SAMD9L: variants seen among roughly 807,000 people sequenced by gnomAD.
SAMD9L encodes the protein sterile alpha motif domain-containing protein 9-like.
A neutral mutation model predicts 90.7 loss-of-function variants in SAMD9L; 68 were observed. That is an observed-to-expected ratio of 0.75 (90% CI 0.62 to 0.92). The LOEUF (loss-of-function observed/expected upper bound fraction) is 0.92. Ranked by LOEUF, SAMD9L falls within the 40% of genes least tolerant of loss-of-function variation. SAMD9L has a pLI of 0.00. For missense variants in SAMD9L, 1,604 were observed against 1,824.3 expected (o/e 0.88, Z 2.20); for synonymous variants, 640 against 630.1 (o/e 1.02, Z -0.23).
rs771288282 is a variant in SAMD9L at position 93,132,864 on chromosome 7, T to G, written c.3108A>C (p.Gln1036His). 6.2e-7 allele frequency: 1 copy of G among 1,613,800 alleles called. No individual in the cohort carries two copies. ...IGRDKFQHDV[Q>H]TLLLTRQRKV... ...TGCGCTGTCTTGTAAGCAGAAGAGT[T>G]TGAACATCATGTTGAAATTTGTCTC... The change falls in exon 5 of 5, where the codon CAA (glutamine) becomes CAC (histidine). Residue 1036 changes from glutamine (Q) to histidine (H), a missense_variant. By Grantham distance (24) the Gln-to-His change is conservative. Transcript: ENST00000318238.
rs71830352 is a variant in SAMD9L at position 93,130,660 on chromosome 7, A to AGTGT, written c.*553_*556dup. 0.054 allele frequency: 7,298 copies of AGTGT among 136,318 alleles called. 139 individuals carry two copies. Among genetic ancestry groups the AGTGT allele is most frequent in the Non-Finnish European group, 0.071 (4,460 of 62,424 alleles). The allele number at this position is 136,318 out of a possible 1,614,324, so 8.4% of individuals were successfully genotyped here. A position where few individuals can be genotyped will look rare whatever the true frequency, so the allele number is the denominator to read the frequency against. On this transcript the variant is annotated 3_prime_UTR_variant, in exon 5 of 5. Coordinates refer to ENST00000318238, the MANE Select transcript of SAMD9L (RefSeq NM_152703.5). Reference sequence around the variant, plus strand: ...TGGGAGAAGGGCAAGGGGTACAAGGAGTGTGTGTGTGTGTGTGTGTGTGTG... The same window carrying AGTGT: ...TGGGAGAAGGGCAAGGGGTACAAGGAGTGTGTGTGTGTGTGTGTGTGTGTGTGTG...
chr7:93,134,379 A>G lies in SAMD9L; in HGVS notation c.1593T>C (p.Phe531=), dbSNP rs1043680574. Residue 531 remains phenylalanine (F), a synonymous_variant, in exon 5 of 5, where the codon TTT becomes TTC. Transcript: ENST00000318238. ...RASEVRKLIL[F]LTDENIMTRG... is the part of the protein sequence containing the mutation. ...TTGTCATTATATTTTCATCTGTGAG[A>G]AATAAAATTAGTTTCCTGACTTCTG... 1.1e-5 allele frequency: 17 copies of G among 1,612,508 alleles called. No individual in the cohort carries two copies. The highest frequency in any genetic ancestry group is 1.6e-4 in the Middle Eastern group (1 of 6,074).
chr7:93,131,441 C>G lies in SAMD9L; in HGVS notation c.4531G>C (p.Asp1511His). The G allele has an allele frequency of 6.2e-7, 1 of 1,613,740 alleles. No homozygotes were observed. The highest frequency in any genetic ancestry group is 1.1e-5 in the South Asian group (1 of 91,050). The change falls in exon 5 of 5, where the codon GAT (aspartate) becomes CAT (histidine). Residue 1511 changes from aspartate (D) to histidine (H), a missense_variant. Transcript: ENST00000318238. ...TTGACTTCATTTTTTTTCCACACAT[C>G]CCCACTGTGCCAGAGGGAATTTGTA... ...QNTNSLWHSG[D>H]VWKKNEVKDL...
In SAMD9L at chr7:93,133,710, A is replaced by G; in HGVS notation, c.2262T>C (p.Val754=). ...GCGGTTLAMH[V]LWDLKKNFRC... ...TGAAGTTTTTCTTTAAGTCCCAGAG[A>G]ACATGCATAGCCAGTGTGGTACCTC... The change falls in exon 5 of 5, where the codon GTT becomes GTC. Residue 754 remains valine, a synonymous_variant. Coordinates refer to ENST00000318238, the MANE Select transcript of SAMD9L (RefSeq NM_152703.5). 1 of 1,613,648 alleles carries G rather than the reference A, an allele frequency of 6.2e-7. No homozygotes were observed. Among genetic ancestry groups the G allele is most frequent in the Non-Finnish European group, 8.5e-7 (1 of 1,179,862 alleles).
chr7:93,132,345 C>A lies in SAMD9L; in HGVS notation c.3627G>T (p.Gln1209His). 1 of 1,613,800 alleles carries A rather than the reference C, an allele frequency of 6.2e-7. No homozygotes were observed. Reference protein sequence around the residue: ...GEIEVGLYTIQILQLTPFFHK... With the variant: ...GEIEVGLYTIHILQLTPFFHK... ...GGAAAAAGGGAGTGAGCTGAAGAAT[C>A]TGGATAGTGTAAAGACCAACTTCTA... Residue 1209 changes from glutamine to histidine, a missense_variant, in exon 5 of 5, where the codon CAG becomes CAT. Gln to His is a conservative substitution (Grantham distance 24). This residue lies in a region of SAMD9L where 302 missense variants were observed against 314.7 expected (regional missense o/e 0.96). Coordinates refer to ENST00000318238, the MANE Select transcript of SAMD9L (RefSeq NM_152703.5).
rs1461917468 is a variant in SAMD9L at position 93,148,234 on chromosome 7, T to C, written c.-1083A>G. ...AATGTCATCGTTTTATATCAGAAAC[T>C]TGAAACAGGCCATTTGAACTTTTGC... On this transcript the variant is annotated 5_prime_UTR_variant, in exon 1 of 5. Transcript: ENST00000318238. 1 of 152,212 alleles carries C rather than the reference T, an allele frequency of 6.6e-6. No individual in the cohort carries two copies. Among genetic ancestry groups the C allele is most frequent in the East Asian group, 1.9e-4 (1 of 5,198 alleles). 9.4% of individuals were successfully genotyped at this position (152,212 alleles called of 1,614,324 possible). A position where few individuals can be genotyped will look rare whatever the true frequency, so the allele number is the denominator to read the frequency against.
chr7:93,130,058 GATAA>G lies in SAMD9L; in HGVS notation c.*1155_*1158del, dbSNP rs1227397026. On this transcript the variant is annotated 3_prime_UTR_variant, in exon 5 of 5. Transcript: ENST00000318238. The stretch of plus-strand genomic sequence containing the variant: ...CATTACAAAGAGATACAAAGATGTG[GATAA>G]ATAAATATATTTTTTATTCAATATT... 3 of 152,108 alleles carry G rather than the reference GATAA, an allele frequency of 2.0e-5. No individual in the cohort carries two copies. Among genetic ancestry groups the G allele is most frequent in the Admixed American group, 6.5e-5 (1 of 15,272 alleles). The allele number at this position is 152,108 out of a possible 1,614,324, so 9.4% of individuals were successfully genotyped here.
chr7:93,137,089 A>T (rs1245946645), intron 4 of SAMD9L, among the ~76,000 whole-genome samples: 1 of 152,236 alleles, frequency 6.6e-6, no homozygotes, highest in East Asian at 1.9e-4. Context: ...GGACAGACAA[A>T]AAAAACATTA....
intron 4 of SAMD9L, among the ~76,000 whole-genome samples, chr7:93,138,226 A>G (rs12704665): frequency 0.02 from 3,028 of 152,278 alleles, 45 homozygotes; most frequent in Middle Eastern, 0.061. Context: ...AAGGAGTCCC[A>G]CAAAAATTAG....
At position 93,133,523 on chromosome 7, in the gene SAMD9L, C is replaced by T. The variant is rs886948767; in HGVS notation, c.2449G>A (p.Ala817Thr). ...EQENVYFLQNAIHSVLAEKDL... is the reference protein window; with the variant it reads ...EQENVYFLQNTIHSVLAEKDL... Reference sequence around the variant, plus strand: ...TTTTCTGCTAAAACGGAATGGATGGCATTTTGTAGAAAGTAGACATTTTCT... The same window carrying T: ...TTTTCTGCTAAAACGGAATGGATGGTATTTTGTAGAAAGTAGACATTTTCT... The change falls in exon 5 of 5, where the codon GCC (alanine) becomes ACC (threonine). Residue 817 changes from alanine (A) to threonine (T), a missense_variant. Around this residue, in one of 7 missense-constraint regions of SAMD9L, gnomAD observed 606 missense variants for 717.6 expected, o/e 0.84. Transcript: ENST00000318238. 1 of 1,613,488 alleles carries T rather than the reference C, an allele frequency of 6.2e-7. No homozygotes were observed. Among genetic ancestry groups the T allele is most frequent in the Admixed American group, 1.7e-5 (1 of 59,920 alleles).
Position 93,133,242 on chromosome 7 carries a change from T to G in SAMD9L, c.2730A>C (p.Lys910Asn). The G allele has an allele frequency of 1.2e-6, 2 of 1,613,062 alleles. No homozygotes were observed. The highest frequency in any genetic ancestry group is 1.7e-6 in the Non-Finnish European group (2 of 1,179,454). Residue 910 changes from lysine to asparagine, a missense_variant, in exon 5 of 5, where the codon AAA (lysine) becomes AAC (asparagine). Transcript: ENST00000318238. ...CTTCCTTGCTGTCAACATCCTGTCCTTTTAGGATATTCCTGACTACATTTT... is the reference window on the plus strand; with the variant it reads ...CTTCCTTGCTGTCAACATCCTGTCCGTTTAGGATATTCCTGACTACATTTT... ...YIENVVRNIL[K>N]GQDVDSKEAQ...
At position 93,134,239 on chromosome 7, in the gene SAMD9L, A is replaced by G; in HGVS notation, c.1733T>C (p.Leu578Ser). ...YQALKGMENM[L>S]CISVNSHIYQ... The stretch of plus-strand genomic sequence containing the variant: ...AATATGTGAGTTTACAGAGATACAC[A>G]ACATATTTTCCATTCCTTTGAGAGC... The change falls in exon 5 of 5, where the codon TTG becomes TCG. Residue 578 changes from leucine (L) to serine (S), a missense_variant. Around this residue, in one of 7 missense-constraint regions of SAMD9L, gnomAD observed 606 missense variants for 717.6 expected, o/e 0.84. Coordinates refer to ENST00000318238, the MANE Select transcript of SAMD9L (RefSeq NM_152703.5). 6.2e-7 allele frequency: 1 copy of G among 1,613,412 alleles called. No homozygotes were observed.
rs1429638102 is a variant in SAMD9L, at chr7:93,135,547, A to G, written c.425T>C (p.Leu142Ser). 7 of 1,613,886 alleles carry G rather than the reference A, an allele frequency of 4.3e-6. No homozygotes were observed. In the East Asian group the frequency reaches 6.7e-5, roughly 15 times the overall value. The change falls in exon 5 of 5, where the codon TTA (leucine) becomes TCA (serine). Residue 142 changes from leucine to serine, a missense_variant. Physicochemically the swap from Leu to Ser is moderately radical, Grantham distance 145 (BLOSUM62 -2). This residue lies in a region of SAMD9L where 374 missense variants were observed against 363.6 expected (regional missense o/e 1.03). Coordinates refer to ENST00000318238, the MANE Select transcript of SAMD9L (RefSeq NM_152703.5). ...EESILMKENV[L>S]DEVANAKHKK... ...GTGTTTAGCATTTGCTACTTCATCT[A>G]ACACATTTTCTTTCATAAGAATTGA...
chr7:93,144,139 A>G (rs1400601573), intron 4 of SAMD9L, among the ~76,000 whole-genome samples: 2 of 152,196 alleles, frequency 1.3e-5, no homozygotes, highest in Non-Finnish European at 2.9e-5. Flanking sequence ...AAATAAATGC[A>G]CCTGAAACCA....
rs758471011 is a variant in SAMD9L at position 93,134,102 on chromosome 7, G to A, written c.1870C>T (p.Leu624=). The change falls in exon 5 of 5, where the codon CTA becomes TTA. Residue 624 remains leucine, a synonymous_variant. Coordinates refer to ENST00000318238, the MANE Select transcript of SAMD9L (RefSeq NM_152703.5). ...IELVNSTILK[L]KSVTRSSRRF... ...CTTGATGACCGAGTCACCGATTTTA[G>A]TTTAAGGATAGTGCTGTTTACCAGT... The A allele has an allele frequency of 2.4e-5, 39 of 1,613,806 alleles. No homozygotes were observed. Among genetic ancestry groups the A allele is most frequent in the Non-Finnish European group, 3.1e-5 (37 of 1,179,864 alleles).
Position 93,133,582 on chromosome 7 carries a change from G to C in SAMD9L, c.2390C>G (p.Pro797Arg). The change falls in exon 5 of 5, where the codon CCT (proline) becomes CGT (arginine). Residue 797 changes from proline (P) to arginine (R), a missense_variant. Physicochemically the swap from Pro to Arg is moderately radical, Grantham distance 103 (BLOSUM62 -2). Around this residue, in one of 7 missense-constraint regions of SAMD9L, gnomAD observed 606 missense variants for 717.6 expected, o/e 0.84. Transcript: ENST00000318238. Reference sequence around the variant, plus strand: ...AAAATCATCCACAAGGAGAAGCACAGGAATGTAATCCTGATGGCTCTTTGC... The same window carrying C: ...AAAATCATCCACAAGGAGAAGCACACGAATGTAATCCTGATGGCTCTTTGC... ...YRAKSHQDYI[P>R]VLLLVDDFEE... 6.2e-7 allele frequency: 1 copy of C among 1,613,826 alleles called. No homozygotes were observed. Among genetic ancestry groups the C allele is most frequent in the Non-Finnish European group, 8.5e-7 (1 of 1,179,850 alleles).
chr7:93,135,606 A>G lies in SAMD9L; in HGVS notation c.366T>C (p.Asp122=). 1.9e-6 allele frequency: 3 copies of G among 1,613,958 alleles called. No individual in the cohort carries two copies. The highest frequency in any genetic ancestry group is 2.5e-6 in the Non-Finnish European group (3 of 1,179,938). ...GTTTGATATCTCTGATCTCTCTGGG[A>G]TCATAATCAATATTAGATGACATTG... ...ENSMSSNIDY[D]PREIRDIKQE... Residue 122 remains aspartate, a synonymous_variant, in exon 5 of 5, where the codon GAT becomes GAC. Transcript: ENST00000318238.
Position 93,132,720 on chromosome 7 carries a change from A to G in SAMD9L, c.3252T>C (p.Ile1084=), listed in dbSNP as rs1792186820. The G allele has an allele frequency of 3.7e-6, 6 of 1,613,746 alleles. No homozygotes were observed. Among genetic ancestry groups the G allele is most frequent in the Non-Finnish European group, 4.2e-6 (5 of 1,179,842 alleles). The change falls in exon 5 of 5, where the codon ATT becomes ATC. Residue 1084 remains isoleucine, a synonymous_variant. Coordinates refer to ENST00000318238, the MANE Select transcript of SAMD9L (RefSeq NM_152703.5). ...GSRRFPQNAF[I]CQALARHFYI... ...AGAAATGTCTTGCTAAGGCTTGACAAATGAATGCATTTTGTGGGAATCGTC... is the reference window on the plus strand; with the variant it reads ...AGAAATGTCTTGCTAAGGCTTGACAGATGAATGCATTTTGTGGGAATCGTC...
In SAMD9L at chr7:93,133,061, G is replaced by A; in HGVS notation, c.2911C>T (p.Leu971=). The part of the protein sequence containing the change: ...EDKMGTYSTL[L]IKTEVAEYGR... ...TATTCTGCAACTTCTGTTTTTATTAGAAGTGTAGAATAAGTTCCCATCTTG... is the reference window on the plus strand; with the variant it reads ...TATTCTGCAACTTCTGTTTTTATTAAAAGTGTAGAATAAGTTCCCATCTTG... The change falls in exon 5 of 5, where the codon CTA becomes TTA. Residue 971 remains leucine (L), a synonymous_variant. Transcript: ENST00000318238. 2 of 1,613,574 alleles carry A rather than the reference G, an allele frequency of 1.2e-6. No individual in the cohort carries two copies. Among genetic ancestry groups the A allele is most frequent in the Non-Finnish European group, 1.7e-6 (2 of 1,179,714 alleles).
Sources: allele counts gnomAD v4.1 joint callset (sites outside exome capture counted in the v4.1 genomes callset), GRCh38; gene constraint gnomAD v4.1.1; regional missense constraint gnomAD v4.1.1; transcripts MANE v1.5; gene names NCBI Gene and HGNC (gene_info 2026-07-23, HGNC 2026-07-21).